GPR157: variants seen among roughly 807,000 people sequenced by gnomAD.
GPR157 encodes the protein G protein-coupled receptor 157.
In GPR157, 16 loss-of-function variants were observed where a neutral mutation model predicts 23.5. That is an observed-to-expected ratio of 0.68 (90% CI 0.46 to 1.04). The LOEUF is 1.04. Ranked by LOEUF, GPR157 falls within the 50% of genes least tolerant of loss-of-function variation. The pLI is 0.00. For synonymous variants in GPR157, 200 were observed against 221.5 expected (o/e 0.90, Z 0.86); for missense variants, 440 against 460.7 (o/e 0.96, Z 0.41).
chr1:9,122,739 A>C (rs1371285363), intron 1 of GPR157, among the ~76,000 whole-genome samples: 1 of 152,178 alleles, frequency 6.6e-6, no homozygotes, highest in Non-Finnish European at 1.5e-5. Context: ...CAGTATCATA[A>C]AACACCAAGA....
At position 9,118,221 on chromosome 1, in the gene GPR157, G is replaced by A. The variant is rs1284831973; in HGVS notation, c.384-6732C>T. Among the ~76,000 whole-genome samples the A allele has an allele frequency of 2.0e-5, 3 of 152,312 alleles. No homozygotes were observed. Among genetic ancestry groups the A allele is most frequent in the East Asian group, 1.9e-4 (1 of 5,186 alleles). On this transcript the variant is annotated intron_variant, in intron 1 of 3. Coordinates refer to ENST00000377411, the MANE Select transcript of GPR157 (RefSeq NM_024980.5). The surrounding 1 kb of genome is among the most constrained non-coding windows in gnomAD (Gnocchi z 4.6). ...GTGGTTAGATGCCGGAGGAATGGGCGGGGTCCTGCCCAGTCCTAAATCTGG... is the reference window on the plus strand; with the variant it reads ...GTGGTTAGATGCCGGAGGAATGGGCAGGGTCCTGCCCAGTCCTAAATCTGG...
chr1:9,122,309 G>A (rs1428426525), intron 1 of GPR157, among the ~76,000 whole-genome samples: 1 of 152,078 alleles, frequency 6.6e-6, no homozygotes, highest in African/African-American at 2.4e-5. Context: ...TTAAACACAG[G>A]GACTTCCCCT....
intron 1 of GPR157, among the ~76,000 whole-genome samples, chr1:9,119,025 C>A (rs1202001352): frequency 6.8e-6 from 1 of 146,094 alleles, no homozygotes; most frequent in Non-Finnish European, 1.5e-5. Context: ...AGAGTGAGAC[C>A]CTGCCTTTTT....
intron 1 of GPR157, among the ~76,000 whole-genome samples, chr1:9,127,764 A>G (rs1638996537): frequency 6.6e-6 from 1 of 152,094 alleles, no homozygotes; most frequent in African/African-American, 2.4e-5. Context: ...AATAGAAAGG[A>G]CCTATAATTA....
chr1:9,127,171 A>G (rs1490529433), intron 1 of GPR157, among the ~76,000 whole-genome samples: 1 of 152,054 alleles, frequency 6.6e-6, no homozygotes, highest in Non-Finnish European at 1.5e-5. Flanking sequence ...AAGCCACCAC[A>G]CTGGGCCTAC....
chr1:9,110,516 C>T (rs1162463167), intron 2 of GPR157, among the ~76,000 whole-genome samples: 1 of 152,164 alleles, frequency 6.6e-6, no homozygotes, highest in African/African-American at 2.4e-5. Context: ...GAGCAAGACC[C>T]TGTCTCAAAA....
chr1:9,114,672 G>A (rs1251072482), intron 1 of GPR157, among the ~76,000 whole-genome samples: 2 of 152,176 alleles, frequency 1.3e-5, no homozygotes, highest in African/African-American at 4.8e-5. Flanking sequence ...GCTACAAGGC[G>A]GTAGATTTCT....
chr1:9,111,249 G>GC (rs1638485036), intron 2 of GPR157, 27 bp downstream of exon 2: 9 of 1,607,622 alleles, frequency 5.6e-6, no homozygotes, highest in Non-Finnish European at 7.7e-6. Flanking sequence ...CATGCAGAGG[G>GC]CCCTGAGCTC....
At chr1:9,116,325 TA>T (rs377526839) in intron 1 of GPR157, among the ~76,000 whole-genome samples, 339 of 14,048 alleles carry the variant, frequency 0.024, 31 homozygotes, top group Non-Finnish European at 0.031. Context: ...ATAATATATA[TA>T]AATTATATAT....
chr1:9,127,220 C>A (rs1002288934), intron 1 of GPR157, among the ~76,000 whole-genome samples: 9 of 152,208 alleles, frequency 5.9e-5, no homozygotes, highest in African/African-American at 1.9e-4. Flanking sequence ...AACACAGAAA[C>A]CCCCCTAGAG....
At chr1:9,121,996 A>G (rs1336709640) in intron 1 of GPR157, among the ~76,000 whole-genome samples, 4 of 152,160 alleles carry the variant, frequency 2.6e-5, no homozygotes, top group Admixed American at 2.6e-4. Flanking sequence ...CTCACAGGCC[A>G]TACAGCTGAT....
Position 9,104,585 on chromosome 1 carries a change from A to C in GPR157, c.842T>G (p.Leu281Arg), listed in dbSNP as rs777500057. 11 of 1,613,436 alleles carry C rather than the reference A, an allele frequency of 6.8e-6. No homozygotes were observed. Among genetic ancestry groups the C allele is most frequent in the Non-Finnish European group, 1.7e-6 (2 of 1,179,748 alleles). The change falls in exon 4 of 4, where the codon CTC (leucine) becomes CGC (arginine). Residue 281 changes from leucine (L) to arginine (R), a missense_variant. By Grantham distance (102) the Leu-to-Arg change is moderately radical. Coordinates refer to ENST00000377411, the MANE Select transcript of GPR157 (RefSeq NM_024980.5). ...CCGAGTTCGGACGGCGCGGGTGCAGAGGACGAACATGATGCAGTTGGCACC... is the reference window on the plus strand; with the variant it reads ...CCGAGTTCGGACGGCGCGGGTGCAGCGGACGAACATGATGCAGTTGGCACC... ...QGGANCIMFV[L>R]CTRAVRTRLF... is the part of the protein sequence containing the mutation.
intron 2 of GPR157, among the ~76,000 whole-genome samples, chr1:9,110,954 A>G (rs977372875): frequency 2.6e-5 from 4 of 152,194 alleles, no homozygotes; most frequent in African/African-American, 9.6e-5. Context: ...GGAGAGGGCC[A>G]TGACCAAGGA....
intron 1 of GPR157, among the ~76,000 whole-genome samples, chr1:9,126,878 T>G (rs1638972932): frequency 6.6e-6 from 1 of 152,192 alleles, no homozygotes; most frequent in South Asian, 2.1e-4. Context: ...GCTTGTTTTT[T>G]CTTTTCTTTT....
chr1:9,111,940 C>A (rs1812368), intron 1 of GPR157, among the ~76,000 whole-genome samples: 115,496 of 152,046 alleles, frequency 0.76, 44,473 homozygotes, highest in East Asian at 0.97. Flanking sequence ...ATTGCGTTCC[C>A]GCCTGGGTGA....
chr1:9,124,109 C>A (rs1414686869), intron 1 of GPR157, among the ~76,000 whole-genome samples: 1 of 151,960 alleles, frequency 6.6e-6, no homozygotes, highest in African/African-American at 2.4e-5. Context: ...GGACTACTGG[C>A]GTGAGCCACT....
At position 9,128,709 on chromosome 1, in the gene GPR157, T is replaced by C. The variant is rs766240748; in HGVS notation, c.319A>G (p.Ser107Gly). ...TVAIALYLYLSIVRAARGPRT... is the reference protein window; with the variant it reads ...TVAIALYLYLGIVRAARGPRT... The stretch of plus-strand genomic sequence containing the variant: ...GGCCCGCGCGCGGCGCGGACGATGC[T>C]GAGGTACAAGTAGAGCGCAATGGCC... Residue 107 changes from serine to glycine, a missense_variant, in exon 1 of 4, where the codon AGC becomes GGC. Coordinates refer to ENST00000377411, the MANE Select transcript of GPR157 (RefSeq NM_024980.5). This position sits in a 1 kb window ranked among gnomAD's most constrained non-coding sequence, Gnocchi z 6.3. 86 of 1,613,096 alleles carry C rather than the reference T, an allele frequency of 5.3e-5. No individual in the cohort carries two copies. Among genetic ancestry groups the C allele is most frequent in the Non-Finnish European group, 6.9e-5 (82 of 1,179,898 alleles).
intron 1 of GPR157, among the ~76,000 whole-genome samples, chr1:9,113,101 C>T (rs1354430577): frequency 6.6e-6 from 1 of 152,196 alleles, no homozygotes. Flanking sequence ...GTACAGAGCA[C>T]AGGGCCAGGC....
intron 1 of GPR157, among the ~76,000 whole-genome samples, chr1:9,116,502 A>G (rs1355710363): frequency 7.2e-6 from 1 of 139,342 alleles, no homozygotes; most frequent in African/African-American, 2.7e-5. Flanking sequence ...CAGCACTTTG[A>G]GAGGCCGAGG....
Sources: allele counts gnomAD v4.1 joint callset (sites outside exome capture counted in the v4.1 genomes callset), GRCh38; gene constraint gnomAD v4.1.1; non-coding constraint Gnocchi (gnomAD v3.1); transcripts MANE v1.5; gene names NCBI Gene and HGNC (gene_info 2026-07-23, HGNC 2026-07-21).